The following C1orf116 variants were observed in gnomAD, a reference collection of about 807,000 sequenced individuals.
The protein encoded by C1orf116 is specifically androgen-regulated gene protein.
C1orf116 carries 12 observed loss-of-function variants against 14.1 expected under a neutral mutation model. The observed-to-expected ratio is 0.85, with a 90% CI of 0.54 to 1.38. C1orf116 has a LOEUF of 1.38. Ranked by LOEUF, C1orf116 falls within the 40% of genes most tolerant of loss-of-function variation. The pLI, the probability that C1orf116 is intolerant of heterozygous loss-of-function variation, is 0.00. For missense variants in C1orf116, 797 were observed against 747.0 expected (o/e 1.07, Z -0.78); for synonymous variants, 296 against 299.0 (o/e 0.99, Z 0.10).
chr1:207,022,325 T>C lies in C1orf116; in HGVS notation c.1439A>G (p.Lys480Arg). The change falls in exon 4 of 4, where the codon AAG becomes AGG. Residue 480 changes from lysine (K) to arginine (R), a missense_variant. Physicochemically the swap from Lys to Arg is conservative, Grantham distance 26 (BLOSUM62 2). Coordinates refer to ENST00000359470, the MANE Select transcript of C1orf116 (RefSeq NM_023938.6). ...NTPGLRQMNF[K>R]SNTLERSGVG... ...GCCTGAGCGCTCCAGAGTGTTGGAC[T>C]TGAAGTTCATCTGTCTCAGGCCAGG... 1 of 1,613,830 alleles carries C rather than the reference T, an allele frequency of 6.2e-7. No individual in the cohort carries two copies. The highest frequency in any genetic ancestry group is 8.5e-7 in the Non-Finnish European group (1 of 1,179,794).
chr1:207,021,893 G>A lies in C1orf116; in HGVS notation c.*65C>T. 1.4e-6 allele frequency: 2 copies of A among 1,452,386 alleles called. No homozygotes were observed. Among genetic ancestry groups the A allele is most frequent in the Non-Finnish European group, 1.8e-6 (2 of 1,096,658 alleles). 90.0% of individuals were successfully genotyped at this position (1,452,386 alleles called of 1,614,324 possible). A position where few individuals can be genotyped will look rare whatever the true frequency, so the allele number is the denominator to read the frequency against. ...AGCCCTGAGTTGCGTGGTGGCAAAG[G>A]CTCCCAAGTGGAGCATGTGTCTCTT... On this transcript the variant is annotated 3_prime_UTR_variant, in exon 4 of 4. Coordinates refer to ENST00000359470, the MANE Select transcript of C1orf116 (RefSeq NM_023938.6).
chr1:207,028,445 C>T (rs1036364935), intron 1 of C1orf116, among the ~76,000 whole-genome samples: 2 of 152,222 alleles, frequency 1.3e-5, no homozygotes, highest in Non-Finnish European at 2.9e-5. Context: ...ACCACCGCTA[C>T]GATACCCATC....
In C1orf116 at chr1:207,025,723, C is replaced by A. The variant is rs1293471719; in HGVS notation, c.106-659G>T. Among the ~76,000 whole-genome samples, 4 of 152,160 alleles carry A rather than the reference C, an allele frequency of 2.6e-5. No individual in the cohort carries two copies. In the East Asian group the frequency reaches 7.7e-4, roughly 29 times the overall value. ...CCATACGGGAATTTTTCCCCTTGTA[C>A]ATTTACTTTCTTGATGACATTTGGC... is the stretch of plus-strand genomic sequence containing the variant. On this transcript the variant is annotated intron_variant, in intron 2 of 3. Coordinates refer to ENST00000359470, the MANE Select transcript of C1orf116 (RefSeq NM_023938.6).
At chr1:207,025,169 A>G in intron 2 of C1orf116, 105 bp from the exon 3 acceptor site, 1 of 878,220 alleles carries the variant, frequency 1.1e-6, no homozygotes, top group Non-Finnish European at 1.8e-6. Flanking sequence ...CCTCCGCAGA[A>G]ACTGGCGGGG....
At chr1:207,027,356 G>C in intron 2 of C1orf116, 138 bp downstream of exon 2, 1 of 1,082,320 alleles carries the variant, frequency 9.2e-7, no homozygotes. Flanking sequence ...AGCACCCACT[G>C]GTGTTGTGAA....
rs1274016863 is a variant in C1orf116 at position 207,018,715 on chromosome 1, T to G, written c.*3243A>C. 6.6e-6 allele frequency: 1 copy of G among 152,172 alleles called. No homozygotes were observed. Among genetic ancestry groups the G allele is most frequent in the East Asian group, 1.9e-4 (1 of 5,198 alleles). The allele number at this position is 152,172 out of a possible 1,614,324, so 9.4% of individuals were successfully genotyped here. On this transcript the variant is annotated 3_prime_UTR_variant, in exon 4 of 4. Coordinates refer to ENST00000359470, the MANE Select transcript of C1orf116 (RefSeq NM_023938.6). ...ACTGGTAAGTGATGGAGGCTGAATT[T>G]GAGCCAGATCTATATGCTCCATCAT...
At chr1:207,025,868 G>A (rs1433919426) in intron 2 of C1orf116, among the ~76,000 whole-genome samples, 1 of 152,196 alleles carries the variant, frequency 6.6e-6, no homozygotes, top group Non-Finnish European at 1.5e-5. Flanking sequence ...TAAATATTAA[G>A]TAGATCTTAA....
At chr1:207,032,483 T>C (rs1440370741) in intron 1 of C1orf116, 96 bp downstream of exon 1, 2 of 828,036 alleles carry the variant, frequency 2.4e-6, no homozygotes, top group East Asian at 2.5e-4. Context: ...AGCTGGGGTA[T>C]AGAGGGACAC....
chr1:207,025,015 A>G lies in C1orf116; in HGVS notation c.155T>C (p.Leu52Pro), dbSNP rs1278151409. Residue 52 changes from leucine (L) to proline (P), a missense_variant, in exon 3 of 4, where the codon CTC (leucine) becomes CCC (proline). Coordinates refer to ENST00000359470, the MANE Select transcript of C1orf116 (RefSeq NM_023938.6). Reference sequence around the variant, plus strand: ...TGAGCCAATGGTCTCCTCCAGGAAGAGCAGACACTCCTTCTCTTCAGTGGA... The same window carrying G: ...TGAGCCAATGGTCTCCTCCAGGAAGGGCAGACACTCCTTCTCTTCAGTGGA... ...FLSTEEKECLLFLEETIGSLD... is the reference protein window; with the variant it reads ...FLSTEEKECLPFLEETIGSLD... 1 of 1,535,994 alleles carries G rather than the reference A, an allele frequency of 6.5e-7. No homozygotes were observed. The highest frequency in any genetic ancestry group is 1.1e-5 in the South Asian group (1 of 90,128).
chr1:207,024,582 C>T (rs1455455422), intron 3 of C1orf116, among the ~76,000 whole-genome samples: 1 of 152,256 alleles, frequency 6.6e-6, no homozygotes, highest in East Asian at 1.9e-4. Flanking sequence ...CTGACTCCCT[C>T]CCCCGCCTCT....
rs1422339233 is a variant in C1orf116 at position 207,018,908 on chromosome 1, G to C, written c.*3050C>G. The C allele has an allele frequency of 6.6e-6, 1 of 152,254 alleles. No homozygotes were observed. The highest frequency in any genetic ancestry group is 2.4e-5 in the African/African-American group (1 of 41,416). The allele number at this position is 152,254 out of a possible 1,614,324, so 9.4% of individuals were successfully genotyped here. On this transcript the variant is annotated 3_prime_UTR_variant, in exon 4 of 4. Transcript: ENST00000359470. ...CTTCTTAGCCTACACATACAACCAG[G>C]TGTCAAAGGATGGAAGGGTTCATCT...
At chr1:207,027,399 G>A in intron 2 of C1orf116, 95 bp downstream of exon 2, 2 of 1,477,476 alleles carry the variant, frequency 1.4e-6, no homozygotes, top group Non-Finnish European at 1.9e-6. Context: ...AAGGTGCAGT[G>A]AGCCAGGATG....
At position 207,023,493 on chromosome 1, in the gene C1orf116, G is replaced by A; in HGVS notation, c.284-13C>T. The A allele has an allele frequency of 6.3e-7, 1 of 1,587,946 alleles. No homozygotes were observed. The highest frequency in any genetic ancestry group is 8.6e-7 in the Non-Finnish European group (1 of 1,168,798). ...TCCTCTGGACCTCCTGTGAGGGTCA[G>A]AAAGAACATAAAAGAGTGGACAGAA... is the stretch of plus-strand genomic sequence containing the variant. On this transcript the variant is annotated splice_polypyrimidine_tract_variant and intron_variant, in intron 3 of 3. Coordinates refer to ENST00000359470, the MANE Select transcript of C1orf116 (RefSeq NM_023938.6).
chr1:207,023,881 C>T (rs532697935), intron 3 of C1orf116, among the ~76,000 whole-genome samples: 5 of 152,090 alleles, frequency 3.3e-5, no homozygotes, highest in Admixed American at 1.3e-4. Flanking sequence ...AGAGAGTGAC[C>T]CCTGATTGCT....
chr1:207,032,172 G>A (rs998163355), intron 1 of C1orf116, among the ~76,000 whole-genome samples: 1 of 152,148 alleles, frequency 6.6e-6, no homozygotes, highest in Non-Finnish European at 1.5e-5. Context: ...AGAATTTCCT[G>A]TTACAGTCGC....
chr1:207,023,299 A>G lies in C1orf116; in HGVS notation c.465T>C (p.Ser155=), dbSNP rs1681951181. 6.2e-6 allele frequency: 10 copies of G among 1,614,072 alleles called. No individual in the cohort carries two copies. Among genetic ancestry groups the G allele is most frequent in the Non-Finnish European group, 8.5e-6 (10 of 1,179,976 alleles). The part of the protein sequence containing the change: ...NFRKSTTQAS[S]HNPGEPGRLA... ...GCCTCCCCGGTTCTCCAGGGTTGTG[A>G]CTGCTAGCCTGGGTGGTGCTTTTCC... The change falls in exon 4 of 4, where the codon AGT becomes AGC. Residue 155 remains serine, a synonymous_variant. Transcript: ENST00000359470.
At position 207,022,282 on chromosome 1, in the gene C1orf116, G is replaced by A. The variant is rs1230086397; in HGVS notation, c.1482C>T (p.Tyr494=). 6.2e-7 allele frequency: 1 copy of A among 1,613,766 alleles called. No individual in the cohort carries two copies. Among genetic ancestry groups the A allele is most frequent in the Non-Finnish European group, 8.5e-7 (1 of 1,179,852 alleles). ...GGCTGGCATCTTTCTCAGTTGAAAG[G>A]TAGCTGCTCAGTCCCACGCCTGAGC... The part of the protein sequence containing the change: ...LERSGVGLSS[Y]LSTEKDASPK... The change falls in exon 4 of 4, where the codon TAC becomes TAT. Residue 494 remains tyrosine, a synonymous_variant. Coordinates refer to ENST00000359470, the MANE Select transcript of C1orf116 (RefSeq NM_023938.6).
chr1:207,032,322 A>G (rs2102308195), intron 1 of C1orf116, among the ~76,000 whole-genome samples: 1 of 152,348 alleles, frequency 6.6e-6, no homozygotes, highest in Middle Eastern at 3.4e-3. Context: ...TTGTTTGCAC[A>G]ATATGCCTAT....
At position 207,022,126 on chromosome 1, in the gene C1orf116, C is replaced by T. The variant is rs1681881044; in HGVS notation, c.1638G>A (p.Lys546=). 1 of 1,612,522 alleles carries T rather than the reference C, an allele frequency of 6.2e-7. No homozygotes were observed. The highest frequency in any genetic ancestry group is 8.5e-7 in the Non-Finnish European group (1 of 1,178,868). The change falls in exon 4 of 4, where the codon AAG becomes AAA. Residue 546 remains lysine, a synonymous_variant. Transcript: ENST00000359470. ...GKDFAGIQVG[K]LADLEQEQSS... ...TCTGCTCCTGCTCCAGGTCAGCCAG[C>T]TTGCCTACCTGGATACCTGCAAAAT...
Sources: allele counts gnomAD v4.1 joint callset (sites outside exome capture counted in the v4.1 genomes callset), GRCh38; gene constraint gnomAD v4.1.1; transcripts MANE v1.5; gene names NCBI Gene and HGNC (gene_info 2026-07-23, HGNC 2026-07-21).